CAMK1D: variants seen among roughly 807,000 people sequenced by gnomAD.
CAMK1D encodes calcium/calmodulin-dependent protein kinase type 1D.
Under a neutral mutation model 47.7 loss-of-function variants are expected in CAMK1D, and 9 were observed. The observed-to-expected ratio is 0.19, with a 90% confidence interval of 0.11 to 0.33. CAMK1D has a LOEUF of 0.33. Among genes scored for constraint, CAMK1D ranks in the 10% least tolerant of loss-of-function variants. The probability of loss-of-function intolerance (pLI) is 1.00; values close to 1 mark genes in which losing one functional copy is unlikely to be tolerated. For missense variants in CAMK1D, 291 were observed against 488.7 expected (o/e 0.60, Z 3.81); for synonymous variants, 184 against 184.9 (o/e 0.99, Z 0.04).
rs563340012 is a variant in CAMK1D, at chr10:12,464,015, C to T, written c.93-89210C>T. ...GTAAGTTTCCCGAGGCCTCCCCAGCCATGCTGAACTGTGACTCAGTTAAAC... is the reference window on the plus strand; with the variant it reads ...GTAAGTTTCCCGAGGCCTCCCCAGCTATGCTGAACTGTGACTCAGTTAAAC... On this transcript the variant is annotated intron_variant, in intron 1 of 10. Transcript: ENST00000619168. Among the ~76,000 whole-genome samples the T allele has an allele frequency of 5.2e-4, 79 of 152,284 alleles. 1 individual carries two copies. In the South Asian group the frequency reaches 6.2e-3, roughly 12 times the overall value.
chr10:12,797,309 C>T (rs1334591267), intron 6 of CAMK1D, among the ~76,000 whole-genome samples: 1 of 151,820 alleles, frequency 6.6e-6, no homozygotes, highest in Non-Finnish European at 1.5e-5. Flanking sequence ...AGTCATCTTC[C>T]CACCTCAGCT....
chr10:12,539,734 G>A (rs1223961893), intron 1 of CAMK1D, among the ~76,000 whole-genome samples: 1 of 152,184 alleles, frequency 6.6e-6, no homozygotes, highest in African/African-American at 2.4e-5. Flanking sequence ...GTCCGCACAG[G>A]TGATGAACAA....
intron 3 of CAMK1D, among the ~76,000 whole-genome samples, chr10:12,693,080 C>T (rs556217361): frequency 4.6e-5 from 7 of 152,228 alleles, no homozygotes; most frequent in South Asian, 4.1e-4. Context: ...AGAGCAAAGA[C>T]TAGCTGGGCT....
At chr10:12,390,477 A>G (rs1473312270) in intron 1 of CAMK1D, among the ~76,000 whole-genome samples, 1 of 152,180 alleles carries the variant, frequency 6.6e-6, no homozygotes, top group Admixed American at 6.5e-5. Context: ...TATCTCTGTC[A>G]CTATATCTGT....
rs921712050 is a variant in CAMK1D at position 12,575,736 on chromosome 10, C to T, written c.224+22380C>T. 4.6e-5 allele frequency among the ~76,000 whole-genome samples: 7 copies of T among 152,230 alleles called. No individual in the cohort carries two copies. The East Asian group carries it at 1.4e-3, about 29-fold the overall frequency. On this transcript the variant is annotated intron_variant, in intron 2 of 10. Transcript: ENST00000619168. Reference sequence around the variant, plus strand: ...GACTCATTCCCAGGGACCCGTGGACCCCCCAAGAATTCGCGCTCCTCTGCC... The same window carrying T: ...GACTCATTCCCAGGGACCCGTGGACTCCCCAAGAATTCGCGCTCCTCTGCC...
chr10:12,515,570 C>A (rs981448268), intron 1 of CAMK1D, among the ~76,000 whole-genome samples: 1 of 81,008 alleles, frequency 1.2e-5, no homozygotes, highest in African/African-American at 4.8e-5. Flanking sequence ...CCTCCCCCCT[C>A]CCCCGACCCC....
chr10:12,829,864 T>A lies in CAMK1D; in HGVS notation c.*977T>A, dbSNP rs1833389161. The A allele has an allele frequency of 6.6e-6, 1 of 152,298 alleles. No homozygotes were observed. The highest frequency in any genetic ancestry group is 2.1e-4 in the South Asian group (1 of 4,826). 9.4% of individuals were successfully genotyped at this position (152,298 alleles called of 1,614,324 possible). ...GGGGCCCCTCAGTTCTGCGAGGCTC[T>A]CTTCTCTGCGGGGGACTTTGGTAGA... On this transcript the variant is annotated 3_prime_UTR_variant, in exon 11 of 11. Coordinates refer to ENST00000619168, the MANE Select transcript of CAMK1D (RefSeq NM_153498.4).
At chr10:12,622,989 C>T (rs1466884670) in intron 2 of CAMK1D, among the ~76,000 whole-genome samples, 2 of 151,430 alleles carry the variant, frequency 1.3e-5, no homozygotes, top group Non-Finnish European at 2.9e-5. Context: ...TTCCCTCCCT[C>T]CAATCGTCCG....
chr10:12,766,345 C>G (rs1354444959), intron 4 of CAMK1D, among the ~76,000 whole-genome samples: 4 of 141,416 alleles, frequency 2.8e-5, no homozygotes, highest in South Asian at 2.3e-4. Context: ...CCTGGCCAGC[C>G]CCACGTTGCC....
intron 4 of CAMK1D, 102 bp from the exon 5 acceptor site, chr10:12,769,571 A>AT: frequency 7.5e-7 from 1 of 1,328,284 alleles, no homozygotes; most frequent in South Asian, 1.4e-5. Flanking sequence ...AAGGTCAAGG[A>AT]CGTCCTGACG....
intron 1 of CAMK1D, among the ~76,000 whole-genome samples, chr10:12,530,262 C>T (rs543723441): frequency 3.9e-5 from 6 of 152,274 alleles, no homozygotes; most frequent in Admixed American, 1.3e-4. Flanking sequence ...CTTTAGGCTG[C>T]GAGTGGGGGG....
chr10:12,459,168 G>A (rs940011985), intron 1 of CAMK1D, among the ~76,000 whole-genome samples: 1 of 151,964 alleles, frequency 6.6e-6, no homozygotes. Context: ...CGTGAGCCAC[G>A]GTGCCGGGCC....
chr10:12,523,345 T>G (rs4750229), intron 1 of CAMK1D, among the ~76,000 whole-genome samples: 1 of 150,974 alleles, frequency 6.6e-6, no homozygotes, highest in African/African-American at 2.4e-5. Context: ...GACAGGGTGG[T>G]GGCCGGGCAG....
chr10:12,578,234 C>G (rs1282811842), intron 2 of CAMK1D, among the ~76,000 whole-genome samples: 4 of 152,194 alleles, frequency 2.6e-5, no homozygotes, highest in African/African-American at 4.8e-5. Context: ...ACCACCTTGC[C>G]TGGCTAATTT....
In CAMK1D at chr10:12,817,005, GTCATA is replaced by G. The variant is rs199711458; in HGVS notation, c.833+680_833+684del. The stretch of plus-strand genomic sequence containing the variant: ...CGTGGTGGAAGGCAAGGAGTAGCAA[GTCATA>G]TCTTACATGGATGGGAGCAGGCAAA... On this transcript the variant is annotated intron_variant, in intron 8 of 10. Coordinates refer to ENST00000619168, the MANE Select transcript of CAMK1D (RefSeq NM_153498.4). Among the ~76,000 whole-genome samples the G allele has an allele frequency of 1.9e-4, 28 of 147,644 alleles. 1 individual carries two copies. The highest frequency in any genetic ancestry group is 6.6e-4 in the South Asian group (3 of 4,514).
chr10:12,370,878 G>A (rs1426478555), intron 1 of CAMK1D, among the ~76,000 whole-genome samples: 1 of 152,080 alleles, frequency 6.6e-6, no homozygotes, highest in Non-Finnish European at 1.5e-5. Flanking sequence ...AAAGTGCTGG[G>A]ATTACAGGGA....
In CAMK1D at chr10:12,749,574, G is replaced by GTTT. The variant is rs1427691225; in HGVS notation, c.300-11372_300-11370dup. Among the ~76,000 whole-genome samples the GTTT allele has an allele frequency of 1.2e-3, 178 of 144,792 alleles. 6 individuals carry two copies. Among genetic ancestry groups the GTTT allele is most frequent in the African/African-American group, 4.1e-3 (160 of 38,874 alleles). 95.0% of individuals were successfully genotyped at this position (144,792 alleles called of 152,430 possible). A position where few individuals can be genotyped will look rare whatever the true frequency, so the allele number is the denominator to read the frequency against. On this transcript the variant is annotated intron_variant, in intron 3 of 10. Coordinates refer to ENST00000619168, the MANE Select transcript of CAMK1D (RefSeq NM_153498.4). The stretch of plus-strand genomic sequence containing the variant: ...TTTTTGTTTGTTTGTTTGTTTGTTT[G>GTTT]TTTTGATGAAGTCTCGCTCTGTCAC...
At chr10:12,557,083 T>C (rs1836785473) in intron 2 of CAMK1D, among the ~76,000 whole-genome samples, 1 of 152,126 alleles carries the variant, frequency 6.6e-6, no homozygotes, top group Admixed American at 6.5e-5. Context: ...GATGACCCCA[T>C]TCACTGAGAA....
chr10:12,731,235 G>A (rs1317294257), intron 3 of CAMK1D, among the ~76,000 whole-genome samples: 2 of 152,204 alleles, frequency 1.3e-5, no homozygotes, highest in Non-Finnish European at 2.9e-5. Context: ...AAGATTGGCT[G>A]TAGAAGGATC....
Sources: gnomAD v4.1 joint callset for allele counts (sites outside exome capture counted in the v4.1 genomes callset) on GRCh38, gnomAD v4.1.1 for gene constraint, MANE v1.5 for transcripts, NCBI Gene and HGNC (gene_info 2026-07-23, HGNC 2026-07-21) for gene names.